The following FILIP1L variants were observed in gnomAD, a reference collection of about 807,000 sequenced individuals.
FILIP1L encodes filamin A-interacting protein 1-like.
A neutral mutation model predicts 96.6 loss-of-function variants in FILIP1L; 55 were observed. The ratio of observed to expected loss-of-function variants is 0.57; its 90% CI spans 0.46 to 0.71. The LOEUF (loss-of-function observed/expected upper bound fraction) is 0.71, where lower values mean the gene tolerates loss of function less well. Ranked by LOEUF, FILIP1L falls within the 30% of genes least tolerant of loss-of-function variation. The probability of loss-of-function intolerance (pLI) is 0.00; values close to 1 mark genes in which losing one functional copy is unlikely to be tolerated. For synonymous variants in FILIP1L, 467 were observed against 473.9 expected, an observed-to-expected ratio of 0.99 and a Z score of 0.19; for missense variants, 1,304 against 1,321.2, an observed-to-expected ratio of 0.99 and a Z score of 0.20.
At chr3:100,008,586 T>C (rs556381223) in intron 1 of FILIP1L, among the ~76,000 whole-genome samples, 2 of 152,298 alleles carry the variant, frequency 1.3e-5, no homozygotes, top group African/African-American at 4.8e-5. Context: ...AGAAGGACAA[T>C]AGCAAAGACA....
intron 1 of FILIP1L, among the ~76,000 whole-genome samples, chr3:99,965,746 TA>T (rs956975058): frequency 1.3e-5 from 2 of 152,184 alleles, no homozygotes; most frequent in African/African-American, 2.4e-5. Context: ...AGTTTTAGGT[TA>T]AATGAAGGTT....
chr3:99,847,593 G>A (rs1186586671), intron 5 of FILIP1L, among the ~76,000 whole-genome samples: 1 of 152,052 alleles, frequency 6.6e-6, no homozygotes, highest in Non-Finnish European at 1.5e-5. Flanking sequence ...TTATTCGGTA[G>A]TATTTTATTT....
chr3:99,886,702 C>G (rs1443874034), intron 4 of FILIP1L, among the ~76,000 whole-genome samples: 1 of 151,992 alleles, frequency 6.6e-6, no homozygotes, highest in Non-Finnish European at 1.5e-5. Flanking sequence ...GCCTGTAATC[C>G]CAGCACTTTG....
At chr3:100,113,941 A>G (rs553108762) in intron 1 of FILIP1L, 112 bp downstream of exon 1, 1 of 152,246 alleles carries the variant, frequency 6.6e-6, no homozygotes, top group South Asian at 2.1e-4. Flanking sequence ...TCCCTTGCAT[A>G]ATATTCACAA....
At chr3:99,937,058 C>A (rs1428730888) in intron 1 of FILIP1L, among the ~76,000 whole-genome samples, 2 of 152,152 alleles carry the variant, frequency 1.3e-5, no homozygotes, top group African/African-American at 4.8e-5. Flanking sequence ...CTGCCTCAGC[C>A]TCCCAAGTAG....
At chr3:99,949,417 AGTCAGTT>A (rs1226506025) in intron 1 of FILIP1L, among the ~76,000 whole-genome samples, 1 of 152,244 alleles carries the variant, frequency 6.6e-6, no homozygotes, top group Non-Finnish European at 1.5e-5. Flanking sequence ...CTGTCTAAAA[AGTCAGTT>A]GTATAGTAGT....
intron 1 of FILIP1L, among the ~76,000 whole-genome samples, chr3:100,056,257 G>T (rs2065462256): frequency 6.6e-6 from 1 of 152,078 alleles, no homozygotes; most frequent in African/African-American, 2.4e-5. Context: ...TCAGCTCTGG[G>T]ATTTCCCCAC....
chr3:100,109,915 C>A lies in FILIP1L; in HGVS notation c.-11+4138G>T, dbSNP rs1408695584. ...TGTTTCTTTTATGACCCCCCCCCCC[C>A]AGCACCACCCCCCAGCCAAAGAATC... On this transcript the variant is annotated intron_variant, in intron 1 of 5. Transcript: ENST00000477258. 3.5e-4 allele frequency: 36 copies of A among 103,832 alleles called. 1 individual carries two copies. The highest frequency in any genetic ancestry group is 1.3e-3 in the African/African-American group (32 of 25,264). 6.4% of individuals were successfully genotyped at this position (103,832 alleles called of 1,614,324 possible).
At chr3:100,061,200 C>T (rs1258255573) in intron 1 of FILIP1L, among the ~76,000 whole-genome samples, 1 of 151,990 alleles carries the variant, frequency 6.6e-6, no homozygotes, top group Non-Finnish European at 1.5e-5. Context: ...AAAAACTATA[C>T]TTCTTCTAAA....
intron 4 of FILIP1L, among the ~76,000 whole-genome samples, chr3:99,899,352 C>A (rs1421005619): frequency 2.0e-5 from 3 of 152,090 alleles, no homozygotes; most frequent in Admixed American, 6.5e-5. Flanking sequence ...ATGATGCATT[C>A]CTTTAGCCTT....
intron 4 of FILIP1L, among the ~76,000 whole-genome samples, chr3:99,886,390 T>G (rs1705898000): frequency 1.3e-5 from 2 of 151,744 alleles, no homozygotes; most frequent in African/African-American, 4.9e-5. Flanking sequence ...TAAAATACAC[T>G]TAACACTAAT....
At chr3:99,944,414 A>G (rs1707945774) in intron 1 of FILIP1L, among the ~76,000 whole-genome samples, 1 of 152,240 alleles carries the variant, frequency 6.6e-6, no homozygotes, top group Non-Finnish European at 1.5e-5. Flanking sequence ...ATACTCACCC[A>G]GGCTGTCACG....
At chr3:99,931,431 C>G (rs1436113777) in intron 1 of FILIP1L, among the ~76,000 whole-genome samples, 3 of 152,272 alleles carry the variant, frequency 2.0e-5, no homozygotes, top group African/African-American at 7.2e-5. Flanking sequence ...TTCTAACTTT[C>G]TTCAGATTTA....
At chr3:99,900,681 T>A (rs1012146435) in intron 4 of FILIP1L, among the ~76,000 whole-genome samples, 1 of 152,262 alleles carries the variant, frequency 6.6e-6, no homozygotes, top group African/African-American at 2.4e-5. Flanking sequence ...TTGTGTAATC[T>A]TCCCTCTTTC....
At chr3:99,867,655 G>T (rs1286276451) in intron 4 of FILIP1L, among the ~76,000 whole-genome samples, 4 of 152,078 alleles carry the variant, frequency 2.6e-5, no homozygotes, top group African/African-American at 9.7e-5. Context: ...TGTCTCTAAG[G>T]TCTACAAAGC....
intron 1 of FILIP1L, among the ~76,000 whole-genome samples, chr3:99,981,048 G>A (rs1709107157): frequency 1.3e-5 from 2 of 152,296 alleles, no homozygotes; most frequent in South Asian, 2.1e-4. Flanking sequence ...ATACAGGGGT[G>A]AGGGAAGAGG....
intron 1 of FILIP1L, among the ~76,000 whole-genome samples, chr3:99,960,689 T>TGAGG (rs1456634874): frequency 6.6e-6 from 1 of 152,156 alleles, no homozygotes; most frequent in Non-Finnish European, 1.5e-5. Context: ...GTACTGGGAT[T>TGAGG]GAGGGGAGGA....
chr3:100,014,349 T>C (rs1231701397), intron 1 of FILIP1L, among the ~76,000 whole-genome samples: 1 of 152,152 alleles, frequency 6.6e-6, no homozygotes, highest in Admixed American at 6.5e-5. Context: ...TTCTTTTGGC[T>C]ATATACCCAA....
chr3:99,960,610 T>C (rs900180533), intron 1 of FILIP1L, among the ~76,000 whole-genome samples: 2 of 152,196 alleles, frequency 1.3e-5, no homozygotes, highest in Non-Finnish European at 2.9e-5. Context: ...CTACAGTCTT[T>C]TTACCTGCTT....
Sources: gnomAD v4.1 joint callset for allele counts (sites outside exome capture counted in the v4.1 genomes callset) on GRCh38, gnomAD v4.1.1 for gene constraint, MANE v1.5 for transcripts, NCBI Gene and HGNC (gene_info 2026-07-23, HGNC 2026-07-21) for gene names.